The following C12orf42 variants were observed in gnomAD, a reference collection of about 807,000 sequenced individuals.
C12orf42 encodes the protein chromosome 12 open reading frame 42.
C12orf42 carries 25 observed loss-of-function variants against 21.6 expected under a neutral mutation model. That is an observed-to-expected ratio of 1.16 (90% CI 0.84 to 1.62). C12orf42 has a LOEUF of 1.62. C12orf42 is among the 40% of genes most tolerant of loss of function. The probability of loss-of-function intolerance (pLI) is 0.00; values close to 1 mark genes in which losing one functional copy is unlikely to be tolerated. For missense variants in C12orf42, 483 were observed against 459.3 expected (o/e 1.05, Z -0.47); for synonymous variants, 174 against 175.0 (o/e 0.99, Z 0.05).
the C12orf42 span, among the ~76,000 whole-genome samples, chr12:103,058,899 C>G: frequency 1.3e-5 from 2 of 151,952 alleles, no homozygotes; most frequent in Admixed American, 6.6e-5. Flanking sequence ...AAATTGACAC[C>G]CTAACATCAC....
At chr12:103,233,181 T>A (rs534579092), downstream of C12orf42, among the ~76,000 whole-genome samples, 35 of 152,364 alleles carry the variant, frequency 2.3e-4, no homozygotes, top group South Asian at 2.3e-3. Flanking sequence ...TTCATTGTTA[T>A]ATTTGTCTGT....
intron 10 of C12orf42, among the ~76,000 whole-genome samples, chr12:103,251,544 T>C (rs896114825): frequency 6.6e-6 from 1 of 152,180 alleles, no homozygotes; most frequent in Non-Finnish European, 1.5e-5. Flanking sequence ...TAATAGCATG[T>C]TTTACATCTC....
intron 1 of C12orf42, among the ~76,000 whole-genome samples, chr12:103,489,943 TC>T (rs1408959876): frequency 6.6e-6 from 1 of 152,094 alleles, no homozygotes; most frequent in African/African-American, 2.4e-5. Context: ...CAGCTCACCC[TC>T]CATGGGCTGC....
chr12:103,152,719 A>T, the C12orf42 span, among the ~76,000 whole-genome samples: 1 of 152,128 alleles, frequency 6.6e-6, no homozygotes, highest in East Asian at 1.9e-4. Flanking sequence ...TGTGGCTAAT[A>T]AGCAACAAAA....
At chr12:103,205,448 A>T in the C12orf42 span, among the ~76,000 whole-genome samples, 11 of 152,114 alleles carry the variant, frequency 7.2e-5, no homozygotes, top group Non-Finnish European at 1.5e-4. Context: ...ATCTCATGAG[A>T]CCTATTCACT....
intron 4 of C12orf42, among the ~76,000 whole-genome samples, chr12:103,320,178 C>T (rs962982935): frequency 3.3e-5 from 5 of 152,190 alleles, no homozygotes; most frequent in Admixed American, 1.3e-4. Flanking sequence ...AACAAACATC[C>T]TTTCACTTCT....
At chr12:103,426,808 A>C (rs370506545) in intron 2 of C12orf42, among the ~76,000 whole-genome samples, 2 of 152,218 alleles carry the variant, frequency 1.3e-5, no homozygotes, top group African/African-American at 4.8e-5. Flanking sequence ...ATTATTCAAC[A>C]TTCTTAAAGA....
At chr12:103,283,001 A>G (rs538391268) in intron 4 of C12orf42, among the ~76,000 whole-genome samples, 75 of 152,356 alleles carry the variant, frequency 4.9e-4, no homozygotes, top group African/African-American at 1.7e-3. Flanking sequence ...ACACACACAC[A>G]AAGGGAAACC....
intron 4 of C12orf42, among the ~76,000 whole-genome samples, chr12:103,356,273 A>G (rs1189812317): frequency 6.6e-6 from 1 of 151,964 alleles, no homozygotes; most frequent in Admixed American, 6.6e-5. Flanking sequence ...TCTAGCTCAG[A>G]TCTTAATTCT....
chr12:103,119,534 G>A, the C12orf42 span, among the ~76,000 whole-genome samples: 4 of 152,090 alleles, frequency 2.6e-5, no homozygotes, highest in Admixed American at 6.5e-5. Flanking sequence ...GCTTGTAAGC[G>A]ATAAGGGCTC....
the C12orf42 span, among the ~76,000 whole-genome samples, chr12:103,058,110 C>G: frequency 6.6e-6 from 1 of 152,010 alleles, no homozygotes; most frequent in Non-Finnish European, 1.5e-5. Flanking sequence ...CACGTGCCAC[C>G]AGGCCAAGCT....
At chr12:103,306,663 G>GTATTATTATCT (rs2038367146) in intron 4 of C12orf42, among the ~76,000 whole-genome samples, 1 of 152,084 alleles carries the variant, frequency 6.6e-6, no homozygotes, top group South Asian at 2.1e-4. Context: ...GTCTTGCACA[G>GTATTATTATCT]GTCACAAAGC....
At chr12:103,147,194 G>GA in the C12orf42 span, among the ~76,000 whole-genome samples, 2 of 152,116 alleles carry the variant, frequency 1.3e-5, no homozygotes, top group South Asian at 4.1e-4. Flanking sequence ...AAAAATGCAG[G>GA]AAAAAAGCAC....
intron 10 of C12orf42, among the ~76,000 whole-genome samples, chr12:103,241,139 T>C (rs990049480): frequency 2.0e-5 from 3 of 150,858 alleles, no homozygotes; most frequent in African/African-American, 7.3e-5. Flanking sequence ...AAACACACAA[T>C]GGCATTGTTT....
the C12orf42 span, among the ~76,000 whole-genome samples, chr12:103,165,689 C>G: frequency 2.6e-5 from 4 of 152,138 alleles, no homozygotes; most frequent in South Asian, 8.3e-4. Context: ...AGTCACAAAG[C>G]CAGGCAAAAT....
intron 10 of C12orf42, among the ~76,000 whole-genome samples, chr12:103,257,862 A>C (rs1441509588): frequency 6.6e-6 from 1 of 151,998 alleles, no homozygotes; most frequent in Non-Finnish European, 1.5e-5. Context: ...GAAACAACAT[A>C]CTGACTACCT....
At chr12:103,534,936 C>G in the C12orf42 span, among the ~76,000 whole-genome samples, 2 of 152,194 alleles carry the variant, frequency 1.3e-5, no homozygotes, top group African/African-American at 4.8e-5. Flanking sequence ...TCTCTAAGCT[C>G]GGGATTCCTT....
At chr12:103,113,991 GTTTTTC>G in the C12orf42 span, among the ~76,000 whole-genome samples, 1 of 152,052 alleles carries the variant, frequency 6.6e-6, no homozygotes, top group African/African-American at 2.4e-5. Context: ...TTAAATTATA[GTTTTTC>G]TTTAAATAGA....
At chr12:103,520,512 G>A in the C12orf42 span, among the ~76,000 whole-genome samples, 1 of 151,254 alleles carries the variant, frequency 6.6e-6, no homozygotes, top group African/African-American at 2.4e-5. Flanking sequence ...AACATAATAA[G>A]ACCTCTGCCC....
Sources: gnomAD v4.1 joint callset for allele counts (sites outside exome capture counted in the v4.1 genomes callset) on GRCh38, gnomAD v4.1.1 for gene constraint, MANE v1.5 for transcripts, NCBI Gene and HGNC (gene_info 2026-07-23, HGNC 2026-07-21) for gene names.